Variants in ZEB1 observed in about 807,000 individuals in gnomAD.
The protein encoded by ZEB1 is zinc finger E-box-binding homeobox 1.
ZEB1 carries 21 observed loss-of-function variants against 84.9 expected under a neutral mutation model. That is an observed-to-expected ratio of 0.25 (90% CI 0.18 to 0.36). ZEB1 has a LOEUF of 0.36. Ranked by LOEUF, ZEB1 falls within the 10% of genes least tolerant of loss-of-function variation. The pLI, the probability that ZEB1 is intolerant of heterozygous loss-of-function variation, is 1.00. For missense variants in ZEB1, 1,104 were observed against 1,330.2 expected, an observed-to-expected ratio of 0.83 and a Z score of 2.65; for synonymous variants, 420 against 471.1, an observed-to-expected ratio of 0.89 and a Z score of 1.41.
chr10:31,476,481 A>G (rs1275815025), intron 2 of ZEB1, among the ~76,000 whole-genome samples: 1 of 152,018 alleles, frequency 6.6e-6, no homozygotes, highest in Admixed American at 6.6e-5. Context: ...AAACCTTCCA[A>G]CAACAAAAAA....
intron 1 of ZEB1, among the ~76,000 whole-genome samples, chr10:31,339,291 A>G (rs926892130): frequency 6.6e-6 from 1 of 152,232 alleles, no homozygotes; most frequent in Non-Finnish European, 1.5e-5. Context: ...CAGGCAAAAC[A>G]CATGACTGTT....
At chr10:31,338,717 G>C (rs2038740242) in intron 1 of ZEB1, among the ~76,000 whole-genome samples, 1 of 152,128 alleles carries the variant, frequency 6.6e-6, no homozygotes, top group African/African-American at 2.4e-5. Context: ...ACGTTCATGA[G>C]ATGAGAAAAA....
chr10:31,513,621 T>G (rs1316078462), intron 5 of ZEB1, among the ~76,000 whole-genome samples: 1 of 152,132 alleles, frequency 6.6e-6, no homozygotes, highest in Admixed American at 6.5e-5. Flanking sequence ...GGAAGGGAGA[T>G]TCCAGCTGGA....
At chr10:31,469,059 ATATATTT>A (rs1455866596) in intron 2 of ZEB1, among the ~76,000 whole-genome samples, 1 of 152,238 alleles carries the variant, frequency 6.6e-6, no homozygotes. Context: ...GACAACATAG[ATATATTT>A]TTTAAAAAAC....
intron 1 of ZEB1, among the ~76,000 whole-genome samples, chr10:31,362,196 T>C (rs1433320056): frequency 2.9e-5 from 4 of 136,888 alleles, no homozygotes; most frequent in African/African-American, 1.1e-4. Flanking sequence ...CTTCCCATAC[T>C]GTGAGGCAGC....
intron 1 of ZEB1, among the ~76,000 whole-genome samples, chr10:31,454,570 G>A (rs2060975819): frequency 6.6e-6 from 1 of 152,154 alleles, no homozygotes; most frequent in Non-Finnish European, 1.5e-5. Context: ...CTTCAGCAAA[G>A]TCTCAGGATA....
intron 4 of ZEB1, among the ~76,000 whole-genome samples, chr10:31,506,958 G>C (rs1409869712): frequency 2.0e-5 from 3 of 152,018 alleles, no homozygotes; most frequent in African/African-American, 7.2e-5. Flanking sequence ...CATTATGGTA[G>C]ATATCTTCCT....
At position 31,469,976 on chromosome 10, in the gene ZEB1, A is replaced by T. The variant is rs2062984892; in HGVS notation, c.259+8739A>T. Among the ~76,000 whole-genome samples the T allele has an allele frequency of 2.0e-5, 3 of 152,162 alleles. No homozygotes were observed. The South Asian group carries it at 6.2e-4, about 32-fold the overall frequency. On this transcript the variant is annotated intron_variant, in intron 2 of 8. Transcript: ENST00000424869. ...ACACTGACACCTCACACGGCAGGGT[A>T]CTCCAACAGACCTACAGCTGAGGGT... is the stretch of plus-strand genomic sequence containing the variant.
chr10:31,491,608 A>T (rs1591816821), intron 2 of ZEB1, among the ~76,000 whole-genome samples: 1 of 151,774 alleles, frequency 6.6e-6, no homozygotes, highest in Non-Finnish European at 1.5e-5. Context: ...ACCCTGTGCT[A>T]CTCTGAATTC....
chr10:31,437,868 T>C (rs2058464789), intron 1 of ZEB1, among the ~76,000 whole-genome samples: 1 of 152,248 alleles, frequency 6.6e-6, no homozygotes, highest in Admixed American at 6.5e-5. Context: ...GTAATTCTTG[T>C]CCTCTTCCTT....
intron 2 of ZEB1, among the ~76,000 whole-genome samples, chr10:31,471,065 A>G (rs2063171728): frequency 7.5e-6 from 1 of 132,538 alleles, no homozygotes; most frequent in Non-Finnish European, 1.6e-5. Context: ...TGAAGGAAGC[A>G]CTAAACATGG....
rs2041527489 is a variant in ZEB1 at position 31,352,812 on chromosome 10, GC to G, written c.58+33523del. Among the ~76,000 whole-genome samples the G allele has an allele frequency of 2.0e-5, 3 of 152,298 alleles. 1 individual carries two copies. In the South Asian group the frequency reaches 6.2e-4, roughly 32 times the overall value. ...TTAGAAGTTACTTAGCATTACTTCT[GC>G]CCATTCTGTTGATCAAAACAAGTCA... On this transcript the variant is annotated intron_variant, in intron 1 of 8. Coordinates refer to ENST00000424869, the MANE Select transcript of ZEB1 (RefSeq NM_001174096.2).
intron 1 of ZEB1, among the ~76,000 whole-genome samples, chr10:31,423,232 G>T (rs771232612): frequency 6.6e-6 from 1 of 151,932 alleles, no homozygotes; most frequent in African/African-American, 2.4e-5. Flanking sequence ...TAGTCTCCCG[G>T]TTTTCTCTAT....
intron 3 of ZEB1, among the ~76,000 whole-genome samples, chr10:31,498,841 A>G (rs2067677695): frequency 6.6e-6 from 1 of 152,026 alleles, no homozygotes; most frequent in Non-Finnish European, 1.5e-5. Flanking sequence ...TATATGCACT[A>G]TAGAATTTTA....
chr10:31,462,116 C>T (rs2061887356), intron 2 of ZEB1, among the ~76,000 whole-genome samples: 1 of 152,068 alleles, frequency 6.6e-6, no homozygotes, highest in East Asian at 1.9e-4. Context: ...GATATCAAAA[C>T]TAAAATCTGG....
chr10:31,394,376 A>AT (rs908718382), intron 1 of ZEB1, among the ~76,000 whole-genome samples: 12 of 151,726 alleles, frequency 7.9e-5, no homozygotes, highest in African/African-American at 2.7e-4. Flanking sequence ...TGACGCTCAG[A>AT]TTTTTTTTTC....
At chr10:31,498,842 T>G (rs1215459479) in intron 3 of ZEB1, among the ~76,000 whole-genome samples, 3 of 152,060 alleles carry the variant, frequency 2.0e-5, no homozygotes, top group Non-Finnish European at 4.4e-5. Context: ...ATATGCACTA[T>G]AGAATTTTAT....
chr10:31,406,809 G>GT (rs1369479986), intron 1 of ZEB1, among the ~76,000 whole-genome samples: 1 of 151,978 alleles, frequency 6.6e-6, no homozygotes, highest in Admixed American at 6.6e-5. Flanking sequence ...TTCTTCTAGA[G>GT]TTTTTTATGG....
intron 1 of ZEB1, among the ~76,000 whole-genome samples, chr10:31,411,482 A>T (rs2054248407): frequency 6.6e-6 from 1 of 151,930 alleles, no homozygotes; most frequent in Non-Finnish European, 1.5e-5. Flanking sequence ...ATACAAAAAA[A>T]TTAGCCGGGC....
Sources: gnomAD v4.1 joint callset for allele counts (sites outside exome capture counted in the v4.1 genomes callset) on GRCh38, gnomAD v4.1.1 for gene constraint, MANE v1.5 for transcripts, NCBI Gene and HGNC (gene_info 2026-07-23, HGNC 2026-07-21) for gene names.